MTCH1: variants seen among roughly 807,000 people sequenced by gnomAD.
The protein encoded by MTCH1 is mitochondrial carrier homolog 1.
MTCH1 carries 23 observed loss-of-function variants against 49.3 expected under a neutral mutation model. The observed-to-expected ratio is 0.47, with a 90% CI of 0.34 to 0.66. The LOEUF is 0.66. MTCH1 is among the 30% of genes least tolerant of loss of function. The probability of loss-of-function intolerance (pLI) is 0.01; values close to 1 mark genes in which losing one functional copy is unlikely to be tolerated. For missense variants in MTCH1, 397 were observed against 532.1 expected, an observed-to-expected ratio of 0.75 and a Z score of 2.50; for synonymous variants, 229 against 215.2, an observed-to-expected ratio of 1.06 and a Z score of -0.56.
chr6:36,986,269 CG>C, upstream of MTCH1: 3 of 1,142,794 alleles, frequency 2.6e-6, no homozygotes, highest in South Asian at 2.3e-5. Flanking sequence ...CTCCAGGCCG[CG>C]GGGGAGCTCG....
At position 36,983,356 on chromosome 6, in the gene MTCH1, T is replaced by C. The variant is rs1583268917; in HGVS notation, c.322-1684A>G. On this transcript the variant is annotated intron_variant, in intron 1 of 11. Coordinates refer to ENST00000373627, the MANE Select transcript of MTCH1 (RefSeq NM_001271641.2). Reference sequence around the variant, plus strand: ...AGGTGGTATTCCTTTATTCCTCCACTCCAAATCGCCACAACTGCTCTTTTG... The same window carrying C: ...AGGTGGTATTCCTTTATTCCTCCACCCCAAATCGCCACAACTGCTCTTTTG... Among the ~76,000 whole-genome samples the C allele has an allele frequency of 3.3e-5, 5 of 152,318 alleles. No individual in the cohort carries two copies. In the East Asian group the frequency reaches 9.6e-4, roughly 29 times the overall value.
chr6:36,970,688 G>C lies in MTCH1; in HGVS notation c.913C>G (p.Gln305Glu), dbSNP rs1763652715. The C allele has an allele frequency of 6.2e-7, 1 of 1,614,048 alleles. No individual in the cohort carries two copies. Residue 305 changes from glutamine (Q) to glutamate (E), a missense_variant, in exon 9 of 12, where the codon CAG becomes GAG. This residue lies in a region of MTCH1 where 252 missense variants were observed against 388.3 expected (regional missense o/e 0.65). Transcript: ENST00000373627. ...NDQNPGSQFS[Q>E]ALAIRSYTKF... ...GTATAGCTCCGGATGGCCAGGGCCT[G>C]GCTGAACTGAGGAGACAGAAGGGAA... is the stretch of plus-strand genomic sequence containing the variant.
chr6:36,979,173 C>T (rs1426048253), intron 2 of MTCH1, among the ~76,000 whole-genome samples: 1 of 152,106 alleles, frequency 6.6e-6, no homozygotes, highest in Admixed American at 6.5e-5. Context: ...GTGCTACACC[C>T]AGGATACCAC....
Position 36,972,652 on chromosome 6 carries a change from C to T in MTCH1, c.906G>A (p.Gln302=). The change falls in exon 8 of 12, where the codon CAG becomes CAA. Residue 302 remains glutamine, a splice_region_variant and synonymous_variant. Transcript: ENST00000373627. The surrounding 1 kb of genome is among the most constrained non-coding windows in gnomAD (Gnocchi z 4.1). ...GLGNDQNPGS[Q]FSQALAIRSY... is the part of the protein sequence containing the mutation. The stretch of plus-strand genomic sequence containing the variant: ...AGGACAAGTCCTTGTTCCAACCAAC[C>T]TGGGAACCTGGATTCTGGTCGTTTC... 1.3e-6 allele frequency: 2 copies of T among 1,550,352 alleles called. No individual in the cohort carries two copies. The highest frequency in any genetic ancestry group is 1.4e-5 in the African/African-American group (1 of 73,146).
At position 36,981,578 on chromosome 6, in the gene MTCH1, G is replaced by A. The variant is rs755473513; in HGVS notation, c.406+10C>T. On this transcript the variant is annotated intron_variant, in intron 2 of 11. Coordinates refer to ENST00000373627, the MANE Select transcript of MTCH1 (RefSeq NM_001271641.2). ...TGGTGTGGGCTTTCCTGCTTGGGAG[G>A]CACACTCACCGTAGGTGAAGAAGCT... 1.9e-6 allele frequency: 3 copies of A among 1,613,042 alleles called. No individual in the cohort carries two copies. Among genetic ancestry groups the A allele is most frequent in the African/African-American group, 1.3e-5 (1 of 74,880 alleles).
chr6:36,984,788 T>C (rs1764237759), intron 1 of MTCH1, among the ~76,000 whole-genome samples: 1 of 152,100 alleles, frequency 6.6e-6, no homozygotes, highest in South Asian at 2.1e-4. Flanking sequence ...TGCCTATGCA[T>C]CCCTCTGTTC....
At position 36,978,554 on chromosome 6, in the gene MTCH1, C is replaced by T. The variant is rs1763975112; in HGVS notation, c.464G>A (p.Arg155Gln). The T allele has an allele frequency of 6.2e-6, 10 of 1,614,034 alleles. No individual in the cohort carries two copies. The highest frequency in any genetic ancestry group is 8.5e-6 in the Non-Finnish European group (10 of 1,180,030). ...AGTAGAGAGGGCGTTGGACATCAGC[C>T]GGGGACTCAGGCCTCGGAACAGCCC... Reference protein sequence around the residue: ...KIGLFRGLSPRLMSNALSTVT... With the variant: ...KIGLFRGLSPQLMSNALSTVT... Residue 155 changes from arginine (R) to glutamine (Q), a missense_variant, in exon 3 of 12, where the codon CGG (arginine) becomes CAG (glutamine). Arg to Gln is a conservative substitution (Grantham distance 43, BLOSUM62 1). Around this residue, in one of 2 missense-constraint regions of MTCH1, gnomAD observed 252 missense variants for 388.3 expected, o/e 0.65. Coordinates refer to ENST00000373627, the MANE Select transcript of MTCH1 (RefSeq NM_001271641.2).
At position 36,985,744 on chromosome 6, in the gene MTCH1, C is replaced by T. The variant is rs1764282401; in HGVS notation, c.321+109G>A. ...GGCCCCCCAAACCCGCCGTCCCCAC[C>T]CCTCTCCCCAAATCCGTCGCCATTG... is the stretch of plus-strand genomic sequence containing the variant. On this transcript the variant is annotated intron_variant, in intron 1 of 11. Transcript: ENST00000373627. The T allele has an allele frequency of 3.6e-6, 4 of 1,100,548 alleles. No individual in the cohort carries two copies. The Admixed American group carries it at 7.5e-5, about 21-fold the overall frequency. The allele number at this position is 1,100,548 out of a possible 1,614,324, so 68.2% of individuals were successfully genotyped here.
chr6:36,968,725 CCCCA>C lies in MTCH1; in HGVS notation c.*174_*177del. The C allele has an allele frequency of 1.9e-6, 2 of 1,031,448 alleles. No individual in the cohort carries two copies. The highest frequency in any genetic ancestry group is 2.7e-5 in the South Asian group (2 of 73,528). The allele number at this position is 1,031,448 out of a possible 1,614,324, so 63.9% of individuals were successfully genotyped here. ...GGGTGACCCAATCCACTGGGTGCAGCCCCACCCCCGCTCAACCCCACATCTGGAC... is the reference window on the plus strand; with the variant it reads ...GGGTGACCCAATCCACTGGGTGCAGCCCCCCGCTCAACCCCACATCTGGAC... On this transcript the variant is annotated 3_prime_UTR_variant, in exon 12 of 12. Coordinates refer to ENST00000373627, the MANE Select transcript of MTCH1 (RefSeq NM_001271641.2).
intron 3 of MTCH1, 145 bp downstream of exon 3, chr6:36,978,360 G>C: frequency 1.1e-6 from 1 of 882,408 alleles, no homozygotes; most frequent in East Asian, 2.6e-5. Context: ...CAGAACTGTG[G>C]GGTGGGAGCT....
intron 2 of MTCH1, 90 bp downstream of exon 2, chr6:36,981,498 A>G (rs1239618146): frequency 8.3e-7 from 1 of 1,206,994 alleles, no homozygotes; most frequent in African/African-American, 1.5e-5. Context: ...CATGCTGCGC[A>G]GTGAGTTCCC....
chr6:36,978,925 C>T (rs977349828), intron 2 of MTCH1, among the ~76,000 whole-genome samples: 1 of 127,556 alleles, frequency 7.8e-6, no homozygotes, highest in Non-Finnish European at 1.6e-5. Context: ...TTGGCAAACT[C>T]AGCCATGATT....
At chr6:36,975,759 C>T (rs1165727064) in intron 6 of MTCH1, 42 bp from the exon 7 acceptor site, 6 of 1,593,888 alleles carry the variant, frequency 3.8e-6, no homozygotes, top group Non-Finnish European at 4.3e-6. Context: ...CATGCAGTCA[C>T]CTACCAGAAG....
At chr6:36,970,904 C>T (rs527295596) in intron 8 of MTCH1, 20 of 615,840 alleles carry the variant, frequency 3.2e-5, no homozygotes, top group Middle Eastern at 4.4e-4. Flanking sequence ...GAAGGAGACC[C>T]GGTAAGAGGG....
chr6:36,976,006 C>T (rs889886179), intron 6 of MTCH1, among the ~76,000 whole-genome samples: 1 of 152,194 alleles, frequency 6.6e-6, no homozygotes, highest in African/African-American at 2.4e-5. Flanking sequence ...AGGAATGCAT[C>T]TCCTAACTTG....
intron 11 of MTCH1, 56 bp downstream of exon 11, chr6:36,969,983 A>T: frequency 6.2e-7 from 1 of 1,601,302 alleles, no homozygotes. Flanking sequence ...AAACCATTTC[A>T]GCTGAAGGAT....
In MTCH1 at chr6:36,980,283, T is replaced by G. The variant is rs1764038778; in HGVS notation, c.406+1305A>C. On this transcript the variant is annotated intron_variant, in intron 2 of 11. Transcript: ENST00000373627. ...AAGTTCCCTCTGCTCTAAGTCCTTT[T>G]GGGAATGGCTGTGTCACATGAATAG... 2.6e-5 allele frequency among the ~76,000 whole-genome samples: 4 copies of G among 152,232 alleles called. 1 individual carries two copies.
At position 36,977,116 on chromosome 6, in the gene MTCH1, C is replaced by T; in HGVS notation, c.701+83G>A. 1 of 1,453,786 alleles carries T rather than the reference C, an allele frequency of 6.9e-7. No homozygotes were observed. The highest frequency in any genetic ancestry group is 9.6e-7 in the Non-Finnish European group (1 of 1,039,044). 90.1% of individuals were successfully genotyped at this position (1,453,786 alleles called of 1,614,324 possible). On this transcript the variant is annotated intron_variant, in intron 6 of 11. Coordinates refer to ENST00000373627, the MANE Select transcript of MTCH1 (RefSeq NM_001271641.2). This position sits in a 1 kb window ranked among gnomAD's most constrained non-coding sequence, Gnocchi z 5.4. ...ACACAGCACTAGGGCAGAAAAGGTG[C>T]AGCAACCAATCCCAGCACGGCCTGC...
rs779583581 is a variant in MTCH1 at position 36,986,107 on chromosome 6, C to T, written c.67G>A (p.Gly23Arg). 1.4e-6 allele frequency: 2 copies of T among 1,437,824 alleles called. No homozygotes were observed. The highest frequency in any genetic ancestry group is 1.8e-6 in the Non-Finnish European group (2 of 1,106,168). 89.1% of individuals were successfully genotyped at this position (1,437,824 alleles called of 1,614,324 possible). A position where few individuals can be genotyped will look rare whatever the true frequency, so the allele number is the denominator to read the frequency against. ...CCGCCGCGAGCTCCGGCTCCAGCTC[C>T]GGCTCCCGCCATCCCCGCGGCACCG... ...RGGAAGMAGA[G>R]AGAGARGGAA... The change falls in exon 1 of 12, where the codon GGA (glycine) becomes AGA (arginine). Residue 23 changes from glycine to arginine, a missense_variant. By Grantham distance (125) the Gly-to-Arg change is moderately radical. Transcript: ENST00000373627.
Sources: allele counts gnomAD v4.1 joint callset (sites outside exome capture counted in the v4.1 genomes callset), GRCh38; gene constraint gnomAD v4.1.1; regional missense constraint gnomAD v4.1.1; non-coding constraint Gnocchi (gnomAD v3.1); transcripts MANE v1.5; gene names NCBI Gene and HGNC (gene_info 2026-07-23, HGNC 2026-07-21).